The following TRMT44 variants were observed in gnomAD, a reference collection of about 807,000 sequenced individuals.
The protein encoded by TRMT44 is tRNA methyltransferase 44 homolog.
In TRMT44, 78 loss-of-function variants were observed where a neutral mutation model predicts 77.3. The ratio of observed to expected loss-of-function variants is 1.01; its 90% CI spans 0.84 to 1.22. TRMT44 has a LOEUF of 1.22. Ranked by LOEUF, TRMT44 falls within the 50% of genes most tolerant of loss-of-function variation. The pLI is 0.00. For synonymous variants in TRMT44, 391 were observed against 383.3 expected (o/e 1.02, Z -0.23); for missense variants, 1,090 against 964.4 (o/e 1.13, Z -1.73).
At chr4:8,494,745 G>C (rs1728103627), downstream of TRMT44, among the ~76,000 whole-genome samples, 1 of 152,090 alleles carries the variant, frequency 6.6e-6, no homozygotes, top group Non-Finnish European at 1.5e-5. Context: ...TTCTAAATTG[G>C]TTGAGGCCTG....
At chr4:8,489,198 G>A (rs371960435) in intron 2 of TRMT44, among the ~76,000 whole-genome samples, 12 of 152,352 alleles carry the variant, frequency 7.9e-5, no homozygotes, top group East Asian at 5.8e-4. Flanking sequence ...CCCTGGGGCT[G>A]TCATTGCATG....
Position 8,440,847 on chromosome 4 carries a change from A to G in TRMT44, c.25A>G (p.Ile9Val). 3 of 1,509,346 alleles carry G rather than the reference A, an allele frequency of 2.0e-6. No homozygotes were observed. The South Asian group carries it at 3.7e-5, about 19-fold the overall frequency. The allele number at this position is 1,509,346 out of a possible 1,614,324, so 93.5% of individuals were successfully genotyped here. A position where few individuals can be genotyped will look rare whatever the true frequency, so the allele number is the denominator to read the frequency against. The stretch of plus-strand genomic sequence containing the variant: ...CATGGCTGAGGTGGGCCGTACCGGG[A>G]TCAGCTACCCAGGCGCGCTTCTCCC... MAEVGRTG[I>V]SYPGALLPQG... Residue 9 changes from isoleucine (I) to valine (V), a missense_variant, in exon 1 of 11, where the codon ATC becomes GTC. Transcript: ENST00000389737.
intron 10 of TRMT44, among the ~76,000 whole-genome samples, chr4:8,473,896 G>A (rs2010758): frequency 0.65 from 99,373 of 152,022 alleles, 32,787 homozygotes; most frequent in South Asian, 0.8. Context: ...GAGTGGGTCA[G>A]TGAGGCTGGG....
Position 8,471,204 on chromosome 4 carries a change from C to T in TRMT44, c.2044+4C>T, listed in dbSNP as rs373687855. 201 of 1,544,266 alleles carry T rather than the reference C, an allele frequency of 1.3e-4. No individual in the cohort carries two copies. The highest frequency in any genetic ancestry group is 1.6e-4 in the Non-Finnish European group (184 of 1,140,632). ...AACAGCCACCAGGTGTTCCAAGGTA[C>T]GGAGTCCGCCTCTCCCCCGCCGTTC... On this transcript the variant is annotated splice_donor_region_variant and intron_variant, in intron 10 of 10. Coordinates refer to ENST00000389737, the MANE Select transcript of TRMT44 (RefSeq NM_152544.3).
rs149369819 is a variant in TRMT44 at position 8,464,013 on chromosome 4, C to A, written c.1232C>A (p.Thr411Asn). The stretch of plus-strand genomic sequence containing the variant: ...GATGCAATCACACCCAATGATAAGA[C>A]CCTTTTCCCTGATGTTGATTGGTTA... The part of the protein sequence containing the change: ...EEDAITPNDK[T>N]LFPDVDWLIG... Residue 411 changes from threonine to asparagine, a missense_variant, in exon 7 of 11, where the codon ACC becomes AAC. Physicochemically the swap from Thr to Asn is moderately conservative, Grantham distance 65. Coordinates refer to ENST00000389737, the MANE Select transcript of TRMT44 (RefSeq NM_152544.3). The A allele has an allele frequency of 6.2e-5, 100 of 1,614,102 alleles. No homozygotes were observed. The African/African-American group carries it at 1.2e-3, about 20-fold the overall frequency.
At chr4:8,505,715 CTG>C in the TRMT44 span, among the ~76,000 whole-genome samples, 1 of 152,240 alleles carries the variant, frequency 6.6e-6, no homozygotes, top group African/African-American at 2.4e-5. Context: ...TGGTTGGGCT[CTG>C]TGTCCCCACC....
the TRMT44 span, chr4:8,512,386 A>G: frequency 6.6e-6 from 1 of 152,062 alleles, no homozygotes; most frequent in Non-Finnish European, 1.5e-5. Context: ...TTAATTATCA[A>G]CGTTATTTTT....
intron 2 of TRMT44, among the ~76,000 whole-genome samples, chr4:8,485,469 A>G (rs1727774096): frequency 6.6e-6 from 1 of 152,234 alleles, no homozygotes; most frequent in African/African-American, 2.4e-5. Context: ...ATGCTGTAGC[A>G]GGTGAGTGAT....
the TRMT44 span, among the ~76,000 whole-genome samples, chr4:8,514,806 C>G: frequency 1.3e-4 from 20 of 152,160 alleles, no homozygotes; most frequent in Admixed American, 1.2e-3. Context: ...TTGTACTTAA[C>G]ACAGTTACCT....
At position 8,452,742 on chromosome 4, in the gene TRMT44, G is replaced by C. The variant is rs903740997; in HGVS notation, c.1024-140G>C. The C allele has an allele frequency of 7.1e-6, 3 of 422,056 alleles. No homozygotes were observed. In the East Asian group the frequency reaches 1.4e-4, roughly 19 times the overall value. The allele number at this position is 422,056 out of a possible 1,614,324, so 26.1% of individuals were successfully genotyped here. Reference sequence around the variant, plus strand: ...AGAGCAACACTCCATCTCAAAAAAAGAAAAAAAAAAAAGAATGTTTAGTGT... The same window carrying C: ...AGAGCAACACTCCATCTCAAAAAAACAAAAAAAAAAAAGAATGTTTAGTGT... On this transcript the variant is annotated intron_variant, in intron 4 of 10. Transcript: ENST00000389737. This position sits in a 1 kb window ranked among gnomAD's most constrained non-coding sequence, Gnocchi z 5.7.
At chr4:8,454,460 G>A in intron 5 of TRMT44, 2 of 523,248 alleles carry the variant, frequency 3.8e-6, no homozygotes, top group South Asian at 4.5e-5. Flanking sequence ...CATCAGTACA[G>A]TACTGTGCAG....
At position 8,452,084 on chromosome 4, in the gene TRMT44, G is replaced by C; in HGVS notation, c.1023+56G>C. 1.4e-6 allele frequency: 2 copies of C among 1,418,604 alleles called. No homozygotes were observed. Among genetic ancestry groups the C allele is most frequent in the Non-Finnish European group, 9.6e-7 (1 of 1,039,724 alleles). The allele number at this position is 1,418,604 out of a possible 1,614,324, so 87.9% of individuals were successfully genotyped here. ...GAGTGGGTGGAGTTTGCTACAGGCA[G>C]ATGTTCCCTGTAGTGAAGGACATTT... On this transcript the variant is annotated intron_variant, in intron 4 of 10. Coordinates refer to ENST00000389737, the MANE Select transcript of TRMT44 (RefSeq NM_152544.3). The surrounding 1 kb of genome is among the most constrained non-coding windows in gnomAD (Gnocchi z 5.7).
chr4:8,476,296 G>T lies in TRMT44; in HGVS notation c.*295G>T, dbSNP rs754038847. ...GCACGGATCCTTACAATGTCTCCTG[G>T]GGGAGAGCGGCTGAGGCTGCCTTGC... On this transcript the variant is annotated 3_prime_UTR_variant, in exon 11 of 11. Coordinates refer to ENST00000389737, the MANE Select transcript of TRMT44 (RefSeq NM_152544.3). 4.6e-6 allele frequency: 2 copies of T among 431,306 alleles called. No homozygotes were observed. The highest frequency in any genetic ancestry group is 8.5e-6 in the Non-Finnish European group (2 of 236,240). 26.7% of individuals were successfully genotyped at this position (431,306 alleles called of 1,614,324 possible).
intron 6 of TRMT44, among the ~76,000 whole-genome samples, chr4:8,458,480 T>TTTTTG (rs1725952497): frequency 6.6e-6 from 1 of 150,634 alleles, no homozygotes; most frequent in African/African-American, 2.4e-5. Flanking sequence ...TTTTTTTTTT[T>TTTTTG]TGAGACGGAG....
intron 8 of TRMT44, among the ~76,000 whole-genome samples, chr4:8,467,235 C>A (rs1331016070): frequency 6.6e-6 from 1 of 152,204 alleles, no homozygotes; most frequent in Non-Finnish European, 1.5e-5. Context: ...CTCTGCAACT[C>A]TGCAGCGTTA....
At chr4:8,457,024 C>T (rs890953954) in intron 6 of TRMT44, among the ~76,000 whole-genome samples, 6 of 145,310 alleles carry the variant, frequency 4.1e-5, no homozygotes, top group East Asian at 4.3e-4. Flanking sequence ...CCCGCCCCCC[C>T]CCCCCAACTA....
intron 2 of TRMT44, among the ~76,000 whole-genome samples, chr4:8,487,744 G>C (rs1034339221): frequency 6.6e-6 from 1 of 152,092 alleles, no homozygotes; most frequent in Non-Finnish European, 1.5e-5. Flanking sequence ...AGCAAAAAAG[G>C]GGTAGAGACA....
intron 1 of TRMT44, among the ~76,000 whole-genome samples, chr4:8,445,355 C>G (rs549464566): frequency 6.6e-6 from 1 of 152,318 alleles, no homozygotes; most frequent in East Asian, 1.9e-4. Context: ...GTCCTCTTCT[C>G]TCTGGTCTCA....
At chr4:8,480,852 A>G (rs1207051554), downstream of TRMT44, among the ~76,000 whole-genome samples, 1 of 152,246 alleles carries the variant, frequency 6.6e-6, no homozygotes, top group East Asian at 1.9e-4. Flanking sequence ...TGACCCTGGC[A>G]TAACATTACA....
Sources: allele counts gnomAD v4.1 joint callset (sites outside exome capture counted in the v4.1 genomes callset), GRCh38; gene constraint gnomAD v4.1.1; non-coding constraint Gnocchi (gnomAD v3.1); transcripts MANE v1.5; gene names NCBI Gene and HGNC (gene_info 2026-07-23, HGNC 2026-07-21).